ELK3: variants seen among roughly 807,000 people sequenced by gnomAD.
The protein encoded by ELK3 is ETS domain-containing protein Elk-3.
ELK3 carries 10 observed loss-of-function variants against 28.9 expected under a neutral mutation model. The ratio of observed to expected loss-of-function variants is 0.35; its 90% CI spans 0.21 to 0.59. ELK3 has a LOEUF of 0.59. Ranked by LOEUF, ELK3 falls within the 20% of genes least tolerant of loss-of-function variation. The probability of loss-of-function intolerance (pLI) is 0.82; values close to 1 mark genes in which losing one functional copy is unlikely to be tolerated. For synonymous variants in ELK3, 272 were observed against 243.5 expected, an observed-to-expected ratio of 1.12 and a Z score of -1.09; for missense variants, 463 against 517.3, an observed-to-expected ratio of 0.90 and a Z score of 1.02.
chr12:96,247,035 C>T lies in ELK3; in HGVS notation c.303C>T (p.Ser101=), dbSNP rs1951861734. 1.2e-6 allele frequency: 2 copies of T among 1,614,142 alleles called. No homozygotes were observed. The highest frequency in any genetic ancestry group is 1.7e-5 in the Admixed American group (1 of 60,024). The part of the protein sequence containing the change: ...LKMDPHAVEI[S]RESLLLQDSD... ...TGGATCCTCACGCGGTGGAGATCAG[C>T]CGGGAGAGCCTTCTGCTGCAGGACA... The change falls in exon 3 of 5, where the codon AGC becomes AGT. Residue 101 remains serine (S), a synonymous_variant. Transcript: ENST00000228741. This position sits in a 1 kb window ranked among gnomAD's most constrained non-coding sequence, Gnocchi z 5.5.
At chr12:96,266,965 C>G in intron 4 of ELK3, 117 bp from the exon 5 acceptor site, 2 of 702,696 alleles carry the variant, frequency 2.8e-6, no homozygotes, top group Non-Finnish European at 4.3e-6. Flanking sequence ...CAACTAATCT[C>G]TATCACAGGG....
intron 3 of ELK3, among the ~76,000 whole-genome samples, chr12:96,252,108 A>T (rs1034761933): frequency 1.4e-4 from 21 of 152,218 alleles, no homozygotes; most frequent in African/African-American, 4.8e-4. Flanking sequence ...GCTACTAAAT[A>T]CACTCTGCCT....
intron 3 of ELK3, among the ~76,000 whole-genome samples, chr12:96,256,123 G>T (rs543814099): frequency 9.9e-5 from 15 of 152,218 alleles, no homozygotes; most frequent in Non-Finnish European, 1.8e-4. Flanking sequence ...GGGGAGACCG[G>T]AGGCAGGTGG....
intron 1 of ELK3, among the ~76,000 whole-genome samples, chr12:96,196,137 T>A (rs1054307210): frequency 6.6e-6 from 1 of 152,128 alleles, no homozygotes; most frequent in African/African-American, 2.4e-5. Flanking sequence ...CTAATCTCAT[T>A]AGGAGTTTCC....
Position 96,267,284 on chromosome 12 carries a change from A to ATTTGG in ELK3, c.*109_*113dup. ...GAAGGACATTGTGAAACTCTTGTTA[A>ATTTGG]TTTGGTTTGCACTTTTCATAACATG... On this transcript the variant is annotated 3_prime_UTR_variant, in exon 5 of 5. Transcript: ENST00000228741. The ATTTGG allele has an allele frequency of 2.0e-6, 2 of 994,232 alleles. No homozygotes were observed. Among genetic ancestry groups the ATTTGG allele is most frequent in the Non-Finnish European group, 2.9e-6 (2 of 687,928 alleles). The allele number at this position is 994,232 out of a possible 1,614,324, so 61.6% of individuals were successfully genotyped here.
intron 1 of ELK3, among the ~76,000 whole-genome samples, chr12:96,206,173 A>C (rs748152212): frequency 2.6e-4 from 39 of 152,266 alleles, no homozygotes; most frequent in Middle Eastern, 3.4e-3. Flanking sequence ...AAACCTAAAT[A>C]TTAAAGCCTA....
intron 3 of ELK3, among the ~76,000 whole-genome samples, chr12:96,248,406 T>C (rs181301929): frequency 8.5e-4 from 130 of 152,362 alleles, no homozygotes; most frequent in Non-Finnish European, 1.3e-3. Flanking sequence ...TGCTCTTTCT[T>C]GTCCAGCTGA....
chr12:96,202,969 G>C (rs1951516346), intron 1 of ELK3, among the ~76,000 whole-genome samples: 2 of 151,780 alleles, frequency 1.3e-5, no homozygotes, highest in Non-Finnish European at 2.9e-5. Flanking sequence ...TGCAACCTCT[G>C]CCTCCTGGGT....
rs535508462 is a variant in ELK3, at chr12:96,214,363, G to A, written c.-2-9202G>A. 8.1e-4 allele frequency among the ~76,000 whole-genome samples: 123 copies of A among 151,172 alleles called. 2 individuals are homozygous for A. The South Asian group carries it at 0.018, about 22-fold the overall frequency. ...CGAGAATCACTTGAACCTGGGAGGC[G>A]GAGCTTGCAGTGAACCGAGATCACA... On this transcript the variant is annotated intron_variant, in intron 1 of 4. Transcript: ENST00000228741.
intron 4 of ELK3, among the ~76,000 whole-genome samples, chr12:96,266,237 G>A (rs1943206386): frequency 6.6e-6 from 1 of 152,216 alleles, no homozygotes; most frequent in Non-Finnish European, 1.5e-5. Context: ...GTCAGGCTCT[G>A]TAATTTGATA....
intron 1 of ELK3, among the ~76,000 whole-genome samples, chr12:96,221,454 C>T (rs1951661241): frequency 1.3e-5 from 2 of 152,340 alleles, no homozygotes; most frequent in African/African-American, 4.8e-5. Context: ...CAGTCCCTTC[C>T]CTGCAGACCT....
rs71091236 is a variant in ELK3, at chr12:96,228,416, CAAAAAAAAAAAAAAA to C, written c.207+4657_207+4671del. ...CTGGCGACAGAGTGAGACTCTGTGT[CAAAAAAAAAAAAAAA>C]AAAAAAAAAAAAAGAAGATCAAAAC... On this transcript the variant is annotated intron_variant, in intron 2 of 4. Transcript: ENST00000228741. 4.3e-3 allele frequency among the ~76,000 whole-genome samples: 295 copies of C among 68,340 alleles called. 1 individual carries two copies. Among genetic ancestry groups the C allele is most frequent in the African/African-American group, 0.017 (281 of 16,936 alleles). 44.8% of individuals were successfully genotyped at this position (68,340 alleles called of 152,430 possible).
At chr12:96,232,133 G>A (rs756105155) in intron 2 of ELK3, among the ~76,000 whole-genome samples, 12 of 152,182 alleles carry the variant, frequency 7.9e-5, no homozygotes, top group Non-Finnish European at 1.3e-4. Context: ...GTGAGTAAAG[G>A]CAGGGACGTG....
chr12:96,240,742 C>T (rs991916928), intron 2 of ELK3, among the ~76,000 whole-genome samples: 1 of 152,160 alleles, frequency 6.6e-6, no homozygotes, highest in Non-Finnish European at 1.5e-5. Flanking sequence ...AGGGCAGGAG[C>T]GCTGTGTTTC....
intron 1 of ELK3, among the ~76,000 whole-genome samples, chr12:96,216,756 C>T (rs565386280): frequency 1.1e-4 from 16 of 152,272 alleles, no homozygotes; most frequent in Middle Eastern, 3.4e-3. Context: ...TACAACAACC[C>T]TGTATGATAT....
At chr12:96,249,159 A>G (rs1236623796) in intron 3 of ELK3, among the ~76,000 whole-genome samples, 2 of 152,168 alleles carry the variant, frequency 1.3e-5, no homozygotes, top group African/African-American at 2.4e-5. Flanking sequence ...CCCACAGCCA[A>G]TAGGTGGTAG....
At chr12:96,257,985 T>C (rs2137040960) in intron 3 of ELK3, among the ~76,000 whole-genome samples, 1 of 152,364 alleles carries the variant, frequency 6.6e-6, no homozygotes, top group Admixed American at 6.5e-5. Flanking sequence ...TGAGCATTTC[T>C]ATATGCCAGG....
chr12:96,258,126 C>T (rs540701847), intron 3 of ELK3, among the ~76,000 whole-genome samples: 8 of 152,280 alleles, frequency 5.3e-5, no homozygotes, highest in Admixed American at 5.2e-4. Flanking sequence ...GGTGGCTTGC[C>T]TGAGGTTACC....
Position 96,267,122 on chromosome 12 carries a change from CCA to C in ELK3, c.1167_1168del (p.Leu391GlyfsTer24). 6.2e-7 allele frequency: 1 copy of C among 1,613,672 alleles called. No individual in the cohort carries two copies. The highest frequency in any genetic ancestry group is 8.5e-7 in the Non-Finnish European group (1 of 1,179,822). On this transcript the variant is annotated frameshift_variant, in exon 5 of 5. Coordinates refer to ENST00000228741, the MANE Select transcript of ELK3 (RefSeq NM_005230.4). LOFTEE classifies it high-confidence loss of function. The stretch of plus-strand genomic sequence containing the variant: ...AATGGCCACATGCCAGTGCCAATCC[CCA>C]GTCTGGACAGAGCTGCTTCTCCAGT...
Sources: gnomAD v4.1 joint callset for allele counts (sites outside exome capture counted in the v4.1 genomes callset) on GRCh38, gnomAD v4.1.1 for gene constraint, Gnocchi (gnomAD v3.1) non-coding constraint, MANE v1.5 for transcripts, NCBI Gene and HGNC (gene_info 2026-07-23, HGNC 2026-07-21) for gene names.